FAM83D: variants seen among roughly 807,000 people sequenced by gnomAD.
FAM83D encodes scaffolding CK1 anchoring protein D.
In FAM83D, 26 loss-of-function variants were observed where a neutral mutation model predicts 25.4. The ratio of observed to expected loss-of-function variants is 1.02; its 90% CI spans 0.75 to 1.42. FAM83D has a LOEUF of 1.42. Among genes scored for constraint, FAM83D ranks in the 40% most tolerant of loss-of-function variants. The pLI is 0.00. For missense variants in FAM83D, 740 were observed against 758.1 expected, an observed-to-expected ratio of 0.98 and a Z score of 0.28; for synonymous variants, 310 against 318.5, an observed-to-expected ratio of 0.97 and a Z score of 0.28.
rs1490745557 is a variant in FAM83D, at chr20:38,947,951, G to A, written c.727G>A (p.Glu243Lys). 5.0e-6 allele frequency: 8 copies of A among 1,614,176 alleles called. No homozygotes were observed. The Admixed American group carries it at 5.0e-5, about 10-fold the overall frequency. ...SGTKIIGKVH[E>K]KFTLIDGIRV... Reference sequence around the variant, plus strand: ...AACTAAGATTATTGGGAAGGTTCACGAAAAGTTCACGTTGATTGATGGCAT... The same window carrying A: ...AACTAAGATTATTGGGAAGGTTCACAAAAAGTTCACGTTGATTGATGGCAT... The change falls in exon 3 of 4, where the codon GAA (glutamate) becomes AAA (lysine). Residue 243 changes from glutamate to lysine, a missense_variant. Physicochemically the swap from Glu to Lys is moderately conservative, Grantham distance 56. Around this residue, in one of 3 missense-constraint regions of FAM83D, gnomAD observed 32 missense variants for 56.2 expected, o/e 0.57. Coordinates refer to ENST00000619850, the MANE Select transcript of FAM83D (RefSeq NM_030919.3).
chr20:38,950,911 C>T (rs186425274), intron 3 of FAM83D, among the ~76,000 whole-genome samples: 35 of 152,208 alleles, frequency 2.3e-4, no homozygotes, highest in Admixed American at 2.2e-3. Flanking sequence ...CCTCTGCCTC[C>T]GGGGTTCAAA....
intron 1 of FAM83D, among the ~76,000 whole-genome samples, chr20:38,928,239 G>A (rs919081403): frequency 2.6e-5 from 4 of 152,218 alleles, no homozygotes; most frequent in African/African-American, 9.7e-5. Context: ...ACCTGAGTGT[G>A]TCTGAGTGTG....
chr20:38,935,693 A>G (rs1216481098), intron 1 of FAM83D, among the ~76,000 whole-genome samples: 1 of 151,986 alleles, frequency 6.6e-6, no homozygotes, highest in East Asian at 1.9e-4. Context: ...TGATCCTCCC[A>G]CCTTAGCCTC....
At chr20:38,934,875 A>G (rs1302236323) in intron 1 of FAM83D, among the ~76,000 whole-genome samples, 1 of 152,164 alleles carries the variant, frequency 6.6e-6, no homozygotes, top group Admixed American at 6.5e-5. Context: ...ATTTATATGG[A>G]TTAAAATTAA....
intron 1 of FAM83D, among the ~76,000 whole-genome samples, chr20:38,939,058 G>A (rs1464700881): frequency 6.6e-6 from 1 of 152,160 alleles, no homozygotes; most frequent in East Asian, 1.9e-4. Flanking sequence ...TCATTCATCC[G>A]TCTTTTCCAG....
chr20:38,938,234 C>G (rs528321059), intron 1 of FAM83D, among the ~76,000 whole-genome samples: 1 of 152,240 alleles, frequency 6.6e-6, no homozygotes, highest in African/African-American at 2.4e-5. Flanking sequence ...TCAGCTTGGC[C>G]GTGCCTTGTG....
intron 1 of FAM83D, among the ~76,000 whole-genome samples, chr20:38,934,190 C>T (rs1475408821): frequency 1.3e-5 from 2 of 151,960 alleles, no homozygotes; most frequent in Non-Finnish European, 2.9e-5. Flanking sequence ...CCCTTAGCGT[C>T]TAGCAGACAG....
At position 38,952,702 on chromosome 20, in the gene FAM83D, C is replaced by T. The variant is rs1193822035; in HGVS notation, c.*182C>T. On this transcript the variant is annotated 3_prime_UTR_variant, in exon 4 of 4. Transcript: ENST00000619850. ...ATGCTTTGTTTTGTCATGTATATAC[C>T]AGGTATTGGTTTTATGGTTTAAACA... 4.2e-6 allele frequency: 3 copies of T among 708,462 alleles called. No homozygotes were observed. The East Asian group carries it at 8.1e-5, about 19-fold the overall frequency. The allele number at this position is 708,462 out of a possible 1,614,324, so 43.9% of individuals were successfully genotyped here. A position where few individuals can be genotyped will look rare whatever the true frequency, so the allele number is the denominator to read the frequency against.
chr20:38,926,608 C>T lies in FAM83D; in HGVS notation c.166C>T (p.Leu56=). The change falls in exon 1 of 4, where the codon CTG becomes TTG. Residue 56 remains leucine, a synonymous_variant. Transcript: ENST00000619850. The part of the protein sequence containing the change: ...AFAAFLRRER[L]ARFLNPDEVH... ...CGCGGCCTTCCTGCGACGCGAGCGCCTGGCTCGTTTCCTGAACCCCGATGA... is the reference window on the plus strand; with the variant it reads ...CGCGGCCTTCCTGCGACGCGAGCGCTTGGCTCGTTTCCTGAACCCCGATGA... 1 of 1,543,086 alleles carries T rather than the reference C, an allele frequency of 6.5e-7. No individual in the cohort carries two copies. The highest frequency in any genetic ancestry group is 8.7e-7 in the Non-Finnish European group (1 of 1,150,422).
chr20:38,952,072 C>T lies in FAM83D; in HGVS notation c.1310C>T (p.Ser437Phe), dbSNP rs199973358. The change falls in exon 4 of 4, where the codon TCC becomes TTC. Residue 437 changes from serine to phenylalanine, a missense_variant. Transcript: ENST00000619850. ...GCAAGCTCTCAAACCACGATTTGGTCCAGATCGACCACTACTCAGACTGAC... is the reference window on the plus strand; with the variant it reads ...GCAAGCTCTCAAACCACGATTTGGTTCAGATCGACCACTACTCAGACTGAC... ...RIASSQTTIW[S>F]RSTTTQTDMD... 1.3e-4 allele frequency: 206 copies of T among 1,614,100 alleles called. No homozygotes were observed. Among genetic ancestry groups the T allele is most frequent in the Middle Eastern group, 1.6e-4 (1 of 6,084 alleles).
In FAM83D at chr20:38,952,112, T is replaced by G. The variant is rs2085758132; in HGVS notation, c.1350T>G (p.Ile450Met). 1 of 1,614,166 alleles carries G rather than the reference T, an allele frequency of 6.2e-7. No individual in the cohort carries two copies. ...TTTQTDMDENILFPRGTQSTE... is the reference protein window; with the variant it reads ...TTTQTDMDENMLFPRGTQSTE... Reference sequence around the variant, plus strand: ...CTCAGACTGACATGGATGAGAACATTCTCTTTCCTCGAGGAACTCAATCTA... The same window carrying G: ...CTCAGACTGACATGGATGAGAACATGCTCTTTCCTCGAGGAACTCAATCTA... The change falls in exon 4 of 4, where the codon ATT (isoleucine) becomes ATG (methionine). Residue 450 changes from isoleucine to methionine, a missense_variant. Ile to Met is a conservative substitution (Grantham distance 10, BLOSUM62 1). Coordinates refer to ENST00000619850, the MANE Select transcript of FAM83D (RefSeq NM_030919.3).
In FAM83D at chr20:38,939,066, C is replaced by A. The variant is rs117297914; in HGVS notation, c.484-2893C>A. On this transcript the variant is annotated intron_variant, in intron 1 of 3. Coordinates refer to ENST00000619850, the MANE Select transcript of FAM83D (RefSeq NM_030919.3). ...ATCTTGCTCATTCATCCGTCTTTTC[C>A]AGTCATGTCCCGTGGCTCCCTTTCA... Among the ~76,000 whole-genome samples the A allele has an allele frequency of 9.2e-5, 14 of 152,320 alleles. No individual in the cohort carries two copies. In the East Asian group the frequency reaches 2.3e-3, roughly 25 times the overall value.
chr20:38,944,670 T>C, intron 2 of FAM83D, among the ~76,000 whole-genome samples: 1 of 152,168 alleles, frequency 6.6e-6, no homozygotes, highest in East Asian at 1.9e-4. Context: ...CCGGGCGCGG[T>C]GGCTTACGCC....
chr20:38,926,455 T>C lies in FAM83D; in HGVS notation c.13T>C (p.Ser5Pro). 6.3e-7 allele frequency: 1 copy of C among 1,598,784 alleles called. No individual in the cohort carries two copies. The highest frequency in any genetic ancestry group is 8.5e-7 in the Non-Finnish European group (1 of 1,178,982). The change falls in exon 1 of 4, where the codon TCC becomes CCC. Residue 5 changes from serine (S) to proline (P), a missense_variant. Ser to Pro is a moderately conservative substitution (Grantham distance 74, BLOSUM62 -1). Transcript: ENST00000619850. MALL[S>P]EGLDEVPAAC... is the part of the protein sequence containing the mutation. The stretch of plus-strand genomic sequence containing the variant: ...TCCGAGCGCCGCCATGGCTCTGCTG[T>C]CCGAGGGCCTGGACGAGGTGCCCGC...
In FAM83D at chr20:38,926,568, C is replaced by T; in HGVS notation, c.126C>T (p.Gly42=). The T allele has an allele frequency of 6.4e-7, 1 of 1,565,104 alleles. No homozygotes were observed. ...TGGCTCTGGAGGAGCTGGTGGCGGGCGGCCCCGAAGCCTTCGCGGCCTTCC... is the reference window on the plus strand; with the variant it reads ...TGGCTCTGGAGGAGCTGGTGGCGGGTGGCCCCGAAGCCTTCGCGGCCTTCC... The part of the protein sequence containing the change: ...RRLALEELVA[G]GPEAFAAFLR... The change falls in exon 1 of 4, where the codon GGC becomes GGT. Residue 42 remains glycine (G), a synonymous_variant. Transcript: ENST00000619850.
In FAM83D at chr20:38,940,981, T is replaced by C. The variant is rs11906111; in HGVS notation, c.484-978T>C. On this transcript the variant is annotated intron_variant, in intron 1 of 3. Transcript: ENST00000619850. ...ATTTTGCAGCTAAGGAAACAGACAT[T>C]TGAAACAGCTGTAATTTGCCCAGGA... 6.8e-3 allele frequency among the ~76,000 whole-genome samples: 1,031 copies of C among 152,300 alleles called. 8 individuals carry two copies. The highest frequency in any genetic ancestry group is 0.022 in the African/African-American group (935 of 41,560).
intron 1 of FAM83D, among the ~76,000 whole-genome samples, chr20:38,939,741 T>G (rs1181614190): frequency 1.3e-5 from 2 of 152,188 alleles, no homozygotes; most frequent in Non-Finnish European, 2.9e-5. Flanking sequence ...TATGTCAAAT[T>G]CCTCATAGCC....
chr20:38,931,675 G>C lies in FAM83D; in HGVS notation c.483+4750G>C, dbSNP rs925013620. Among the ~76,000 whole-genome samples the C allele has an allele frequency of 3.9e-5, 6 of 152,252 alleles. 1 individual carries two copies. The highest frequency in any genetic ancestry group is 2.6e-4 in the Admixed American group (4 of 15,292). ...CAGGATACGAGGCTCCTTGACCAGA[G>C]TATAGGCACAGGAAGCCAGGGTTAC... On this transcript the variant is annotated intron_variant, in intron 1 of 3. Coordinates refer to ENST00000619850, the MANE Select transcript of FAM83D (RefSeq NM_030919.3).
At chr20:38,931,100 A>G (rs1292360403) in intron 1 of FAM83D, among the ~76,000 whole-genome samples, 2 of 152,218 alleles carry the variant, frequency 1.3e-5, no homozygotes, top group Non-Finnish European at 2.9e-5. Flanking sequence ...TCCCTGCTGC[A>G]TACAGCCTCC....
Sources: gnomAD v4.1 joint callset for allele counts (sites outside exome capture counted in the v4.1 genomes callset) on GRCh38, gnomAD v4.1.1 for gene constraint, gnomAD v4.1.1 regional missense constraint, MANE v1.5 for transcripts, NCBI Gene and HGNC (gene_info 2026-07-23, HGNC 2026-07-21) for gene names.